Variants in PCDHGA6 observed in about 807,000 individuals in gnomAD.
The protein encoded by PCDHGA6 is protocadherin gamma-A6.
Under a neutral mutation model 60.6 loss-of-function variants are expected in PCDHGA6, and 41 were observed. The observed-to-expected ratio is 0.68, with a 90% CI of 0.53 to 0.88. The LOEUF is 0.88. Ranked by LOEUF, PCDHGA6 falls within the 40% of genes least tolerant of loss-of-function variation. PCDHGA6 has a pLI of 0.00. For synonymous variants in PCDHGA6, 594 were observed against 524.4 expected (o/e 1.13, Z -1.81); for missense variants, 1,312 against 1,203.0 (o/e 1.09, Z -1.34).
intron 1 of PCDHGA6, chr5:141,378,349 C>T (rs1774833758): frequency 6.6e-6 from 1 of 152,158 alleles, no homozygotes; most frequent in African/African-American, 2.4e-5. Flanking sequence ...ATGGTGAAAC[C>T]CCGTCTCTAC....
intron 1 of PCDHGA6, chr5:141,393,162 T>C (rs771570808): frequency 3.1e-6 from 5 of 1,613,142 alleles, no homozygotes; most frequent in Admixed American, 1.7e-5. Context: ...AGGAAAACTC[T>C]TTGGGGTAGA....
Position 141,485,660 on chromosome 5 carries a change from G to A in PCDHGA6, c.2425-9147G>A. On this transcript the variant is annotated intron_variant, in intron 1 of 3. Transcript: ENST00000517434. The surrounding 1 kb of genome is among the most constrained non-coding windows in gnomAD (Gnocchi z 5.7). ...GGAAAAGGCTCAGGATGCAGATGTG[G>A]GGAGCAATTCGATTAGCAGCTATAG... is the stretch of plus-strand genomic sequence containing the variant. 1 of 1,612,716 alleles carries A rather than the reference G, an allele frequency of 6.2e-7. No individual in the cohort carries two copies. Among genetic ancestry groups the A allele is most frequent in the Non-Finnish European group, 8.5e-7 (1 of 1,178,898 alleles).
chr5:141,383,109 T>A, intron 1 of PCDHGA6: 1 of 1,613,908 alleles, frequency 6.2e-7, no homozygotes, highest in Non-Finnish European at 8.5e-7. Context: ...TCTCCAGAGG[T>A]AGGACGCAGC....
chr5:141,467,015 T>C (rs1423064392), intron 1 of PCDHGA6, among the ~76,000 whole-genome samples: 1 of 152,072 alleles, frequency 6.6e-6, no homozygotes. Flanking sequence ...GCAATTTTTT[T>C]CCCTTTGTTT....
intron 2 of PCDHGA6, among the ~76,000 whole-genome samples, chr5:141,495,690 G>A (rs1261694815): frequency 1.3e-5 from 2 of 152,172 alleles, no homozygotes; most frequent in East Asian, 3.9e-4. Context: ...TGGCATAAGT[G>A]CTCAATAAAT....
chr5:141,427,087 A>T, intron 1 of PCDHGA6: 1 of 458,198 alleles, frequency 2.2e-6, no homozygotes, highest in Non-Finnish European at 4.4e-6. Flanking sequence ...ACTGACCAGG[A>T]TGAGGGTGTC....
At chr5:141,509,071 G>T (rs1209992467) in intron 3 of PCDHGA6, among the ~76,000 whole-genome samples, 1 of 152,176 alleles carries the variant, frequency 6.6e-6, no homozygotes, top group Admixed American at 6.5e-5. Flanking sequence ...CAGCTCCGGG[G>T]ATTTGCGACA....
intron 1 of PCDHGA6, among the ~76,000 whole-genome samples, chr5:141,380,434 T>C (rs919623948): frequency 6.6e-6 from 1 of 152,208 alleles, no homozygotes; most frequent in South Asian, 2.1e-4. Flanking sequence ...AGACTTTACA[T>C]AGAATTCTTT....
chr5:141,404,157 A>G (rs746450194), intron 1 of PCDHGA6: 12 of 1,613,094 alleles, frequency 7.4e-6, no homozygotes, highest in Non-Finnish European at 5.9e-6. Flanking sequence ...GAAGATTATT[A>G]CAGATTGTTG....
At position 141,432,360 on chromosome 5, in the gene PCDHGA6, C is replaced by T; in HGVS notation, c.2424+55853C>T. On this transcript the variant is annotated intron_variant, in intron 1 of 3. Transcript: ENST00000517434. This position sits in a 1 kb window ranked among gnomAD's most constrained non-coding sequence, Gnocchi z 6.0. Reference sequence around the variant, plus strand: ...CGAGACTTGCAAGTGAAAGTGATGGCGCGGGACAACGGGCACCCGCCCCTC... The same window carrying T: ...CGAGACTTGCAAGTGAAAGTGATGGTGCGGGACAACGGGCACCCGCCCCTC... 1.9e-6 allele frequency: 3 copies of T among 1,614,228 alleles called. No individual in the cohort carries two copies. The highest frequency in any genetic ancestry group is 1.1e-5 in the South Asian group (1 of 91,088).
At chr5:141,389,519 C>T in intron 1 of PCDHGA6, 1 of 1,613,156 alleles carries the variant, frequency 6.2e-7, no homozygotes, top group South Asian at 1.1e-5. Context: ...CGAACGTGAG[C>T]CTGCGCGTGT....
chr5:141,506,372 C>A (rs1243713695), intron 3 of PCDHGA6, among the ~76,000 whole-genome samples: 1 of 151,402 alleles, frequency 6.6e-6, no homozygotes, highest in Non-Finnish European at 1.5e-5. Context: ...TCGCTTGAAC[C>A]TGGGAGGTGG....
chr5:141,389,182 G>T, intron 1 of PCDHGA6: 1 of 1,614,032 alleles, frequency 6.2e-7, no homozygotes, highest in Non-Finnish European at 8.5e-7. Flanking sequence ...CTCTCCTCCA[G>T]TTCCAGCATC....
chr5:141,384,134 G>T, intron 1 of PCDHGA6: 2 of 1,611,964 alleles, frequency 1.2e-6, no homozygotes, highest in South Asian at 2.2e-5. Context: ...AACTTGGACC[G>T]GGAAACACTC....
chr5:141,489,205 G>A lies in PCDHGA6; in HGVS notation c.2425-5602G>A. 2.1e-6 allele frequency: 3 copies of A among 1,438,682 alleles called. No homozygotes were observed. Among genetic ancestry groups the A allele is most frequent in the Non-Finnish European group, 1.9e-6 (2 of 1,060,944 alleles). 89.1% of individuals were successfully genotyped at this position (1,438,682 alleles called of 1,614,324 possible). On this transcript the variant is annotated intron_variant, in intron 1 of 3. Coordinates refer to ENST00000517434, the MANE Select transcript of PCDHGA6 (RefSeq NM_018919.3). The surrounding 1 kb of genome is among the most constrained non-coding windows in gnomAD (Gnocchi z 4.5). ...CTGGGTCTACCTTGGAGACAGGACA[G>A]CACAGACTTACTCTCCACAAAGGGA...
rs765535731 is a variant in PCDHGA6, at chr5:141,427,976, G to T, written c.2424+51469G>T. On this transcript the variant is annotated intron_variant, in intron 1 of 3. Transcript: ENST00000517434. ...ATGTGCCGCGGGTGCTGTACCCCGC[G>T]CTGGGGCCCGATGGCTCCGCACTCT... 1.1e-5 allele frequency: 17 copies of T among 1,594,884 alleles called. No individual in the cohort carries two copies. The East Asian group carries it at 1.6e-4, about 15-fold the overall frequency.
rs1004089667 is a variant in PCDHGA6, at chr5:141,497,399, C to G, written c.2483+2534C>G. The stretch of plus-strand genomic sequence containing the variant: ...TGGGGTGAGCACCTTACCCCTGCCT[C>G]AACTCCCATTCCATCAAATGAGAGG... On this transcript the variant is annotated intron_variant, in intron 2 of 3. Coordinates refer to ENST00000517434, the MANE Select transcript of PCDHGA6 (RefSeq NM_018919.3). Among the ~76,000 whole-genome samples the G allele has an allele frequency of 5.9e-5, 9 of 152,146 alleles. 1 individual carries two copies. The highest frequency in any genetic ancestry group is 1.2e-4 in the Non-Finnish European group (8 of 68,034).
chr5:141,409,706 T>A, intron 1 of PCDHGA6: 1 of 1,613,210 alleles, frequency 6.2e-7, no homozygotes, highest in Non-Finnish European at 8.5e-7. Context: ...CCTGGCGGTG[T>A]CGTCATACGT....
In PCDHGA6 at chr5:141,375,047, C is replaced by T. The variant is rs201669950; in HGVS notation, c.964C>T (p.Arg322Trp). ...SSFYELGVEA[R>W]DGPGLRDRAK... ...TTTTTATGAGCTGGGTGTTGAAGCC[C>T]GGGATGGGCCAGGTCTTCGAGACAG... Residue 322 changes from arginine to tryptophan, a missense_variant, in exon 1 of 4, where the codon CGG (arginine) becomes TGG (tryptophan). Coordinates refer to ENST00000517434, the MANE Select transcript of PCDHGA6 (RefSeq NM_018919.3). 6.2e-7 allele frequency: 1 copy of T among 1,613,958 alleles called. No homozygotes were observed. The highest frequency in any genetic ancestry group is 8.5e-7 in the Non-Finnish European group (1 of 1,179,892).
Sources: allele counts gnomAD v4.1 joint callset (sites outside exome capture counted in the v4.1 genomes callset), GRCh38; gene constraint gnomAD v4.1.1; non-coding constraint Gnocchi (gnomAD v3.1); transcripts MANE v1.5; gene names NCBI Gene and HGNC (gene_info 2026-07-23, HGNC 2026-07-21).